SELENON: variants seen among roughly 807,000 people sequenced by gnomAD.
SELENON encodes the protein selenoprotein N, 1.
In SELENON, 44 loss-of-function variants were observed where a neutral mutation model predicts 59.5. The observed-to-expected ratio is 0.74, with a 90% confidence interval of 0.58 to 0.95. The LOEUF is 0.95. Ranked by LOEUF, SELENON falls within the 40% of genes least tolerant of loss-of-function variation. The probability of loss-of-function intolerance (pLI) is 0.00; values close to 1 mark genes in which losing one functional copy is unlikely to be tolerated. For synonymous variants in SELENON, 320 were observed against 305.6 expected, an observed-to-expected ratio of 1.05 and a Z score of -0.49; for missense variants, 674 against 721.4, an observed-to-expected ratio of 0.93 and a Z score of 0.75.
At position 25,808,573 on chromosome 1, in the gene SELENON, G is replaced by A. The variant is rs374669004; in HGVS notation, c.538-7G>A. 3.5e-5 allele frequency: 56 copies of A among 1,612,906 alleles called. No homozygotes were observed. In the African/African-American group the frequency reaches 4.4e-4, roughly 13 times the overall value. On this transcript the variant is annotated splice_region_variant and splice_polypyrimidine_tract_variant and intron_variant, in intron 4 of 12. Coordinates refer to ENST00000361547, the MANE Select transcript of SELENON (RefSeq NM_020451.3). ...GATTCCTGGAGCTTTGCTTTCCCCCGCCCCAGGTCTCCCGCCTCGCCCTGT... is the reference window on the plus strand; with the variant it reads ...GATTCCTGGAGCTTTGCTTTCCCCCACCCCAGGTCTCCCGCCTCGCCCTGT...
chr1:25,816,279 C>T lies in SELENON; in HGVS notation c.*561C>T, dbSNP rs1430050391. ...GTCAGTCTCAACAGGAGCCAGTCTT[C>T]TGGAGCCTCTGGGCAGAACCCTCCA... On this transcript the variant is annotated 3_prime_UTR_variant, in exon 13 of 13. Transcript: ENST00000361547. The T allele has an allele frequency of 6.5e-6, 1 of 153,880 alleles. No individual in the cohort carries two copies. The highest frequency in any genetic ancestry group is 2.4e-5 in the African/African-American group (1 of 41,474). 9.5% of individuals were successfully genotyped at this position (153,880 alleles called of 1,614,324 possible).
At chr1:25,812,315 C>G (rs2124451895) in intron 9 of SELENON, among the ~76,000 whole-genome samples, 1 of 151,898 alleles carries the variant, frequency 6.6e-6, no homozygotes, top group East Asian at 1.9e-4. Flanking sequence ...CCACTGCACT[C>G]CAGCCTGGGC....
rs1290988491 is a variant in SELENON at position 25,814,185 on chromosome 1, A to C, written c.1602+7A>C. On this transcript the variant is annotated splice_region_variant and intron_variant, in intron 12 of 12. Transcript: ENST00000361547. ...CCTGCCCAATGGCACCGTGGTAGGCACCCCCACTCAGACCCCACAGGGCCC... is the reference window on the plus strand; with the variant it reads ...CCTGCCCAATGGCACCGTGGTAGGCCCCCCCACTCAGACCCCACAGGGCCC... 1 of 1,611,968 alleles carries C rather than the reference A, an allele frequency of 6.2e-7. No individual in the cohort carries two copies. Among genetic ancestry groups the C allele is most frequent in the Non-Finnish European group, 8.5e-7 (1 of 1,178,922 alleles).
At position 25,816,138 on chromosome 1, in the gene SELENON, C is replaced by G. The variant is rs549631423; in HGVS notation, c.*420C>G. ...TTTCAGCCCTTCCCACAGGAAACAT[C>G]AAGAAGCCCCAGCCAGGAGGGGCCA... On this transcript the variant is annotated 3_prime_UTR_variant, in exon 13 of 13. Coordinates refer to ENST00000361547, the MANE Select transcript of SELENON (RefSeq NM_020451.3). 1.1e-4 allele frequency: 19 copies of G among 167,466 alleles called. No homozygotes were observed. The East Asian group carries it at 1.4e-3, about 12-fold the overall frequency. 10.4% of individuals were successfully genotyped at this position (167,466 alleles called of 1,614,324 possible). A position where few individuals can be genotyped will look rare whatever the true frequency, so the allele number is the denominator to read the frequency against.
In SELENON at chr1:25,815,921, G is replaced by T. The variant is rs1054173305; in HGVS notation, c.*203G>T. ...GGGATGCCTGGGCTGACTGGGCAGA[G>T]GAACCTCTAGCTCTGACTGTCACTC... is the stretch of plus-strand genomic sequence containing the variant. On this transcript the variant is annotated 3_prime_UTR_variant, in exon 13 of 13. Coordinates refer to ENST00000361547, the MANE Select transcript of SELENON (RefSeq NM_020451.3). 2.2e-5 allele frequency: 13 copies of T among 589,748 alleles called. No homozygotes were observed. Among genetic ancestry groups the T allele is most frequent in the African/African-American group, 1.7e-4 (9 of 53,626 alleles). 36.5% of individuals were successfully genotyped at this position (589,748 alleles called of 1,614,324 possible).
intron 2 of SELENON, among the ~76,000 whole-genome samples, chr1:25,801,797 G>A (rs867803856): frequency 9.2e-5 from 14 of 152,174 alleles, no homozygotes; most frequent in African/African-American, 2.9e-4. Context: ...ACACTGTCAT[G>A]ATCCCCATGT....
At position 25,813,915 on chromosome 1, in the gene SELENON, A is replaced by G. The variant is rs1355457091; in HGVS notation, c.1422A>G (p.Glu474=). The change falls in exon 11 of 13, where the codon GAA becomes GAG. Residue 474 remains glutamate (E), a synonymous_variant. Transcript: ENST00000361547. Reference sequence around the variant, plus strand: ...GGACTCTCCGGGAGACTGTCCTGGAAAGTTCGCCCATCCTCACCCTGCTCA... The same window carrying G: ...GGACTCTCCGGGAGACTGTCCTGGAGAGTTCGCCCATCCTCACCCTGCTCA... 2 of 1,614,068 alleles carry G rather than the reference A, an allele frequency of 1.2e-6. No homozygotes were observed. The highest frequency in any genetic ancestry group is 4.5e-5 in the East Asian group (2 of 44,868).
chr1:25,805,152 C>G lies in SELENON; in HGVS notation c.414C>G (p.Pro138=). The G allele has an allele frequency of 6.2e-7, 1 of 1,613,576 alleles. No homozygotes were observed. Residue 138 remains proline (P), a synonymous_variant, in exon 4 of 13, where the codon CCC becomes CCG. Coordinates refer to ENST00000361547, the MANE Select transcript of SELENON (RefSeq NM_020451.3). Reference sequence around the variant, plus strand: ...GTCTGTGTCTCATAGGGTCAACTCCCGCGGCCAGCTGCGAGGAGGAGGAGT... The same window carrying G: ...GTCTGTGTCTCATAGGGTCAACTCCGGCGGCCAGCTGCGAGGAGGAGGAGT...
In SELENON at chr1:25,800,303, C is replaced by A. The variant is rs1294269885; in HGVS notation, c.73C>A (p.Arg25Ser). 2 of 994,636 alleles carry A rather than the reference C, an allele frequency of 2.0e-6. No homozygotes were observed. Among genetic ancestry groups the A allele is most frequent in the East Asian group, 2.2e-4 (2 of 9,094 alleles). 61.6% of individuals were successfully genotyped at this position (994,636 alleles called of 1,614,324 possible). A position where few individuals can be genotyped will look rare whatever the true frequency, so the allele number is the denominator to read the frequency against. The stretch of plus-strand genomic sequence containing the variant: ...CGCCGCGCAGCCTCCCGCGCCACCG[C>A]GCCGCCGCGCCCGTTCCCTGGCGCT... Residue 25 changes from arginine (R) to serine (S), a missense_variant, in exon 1 of 13, where the codon CGC becomes AGC. By Grantham distance (110) the Arg-to-Ser change is moderately radical. Coordinates refer to ENST00000361547, the MANE Select transcript of SELENON (RefSeq NM_020451.3).
chr1:25,805,038 C>G, intron 3 of SELENON, 104 bp from the exon 3 acceptor site: 1 of 1,496,586 alleles, frequency 6.7e-7, no homozygotes, highest in South Asian at 1.1e-5. Flanking sequence ...CAGCTACCCC[C>G]ACCCCCTGCC....
rs1432868639 is a variant in SELENON, at chr1:25,812,556, TACACACAAACACACAC to T, written c.1282-123_1282-108del. ...AGACATACACACAAATATATATGCC[TACACACAAACACACAC>T]ACACACACACACACACACACACACA... On this transcript the variant is annotated intron_variant, in intron 9 of 12. Coordinates refer to ENST00000361547, the MANE Select transcript of SELENON (RefSeq NM_020451.3). 2,864 of 527,904 alleles carry T rather than the reference TACACACAAACACACAC, an allele frequency of 5.4e-3. 48 individuals are homozygous for T. In the African/African-American group the frequency reaches 0.059, roughly 11 times the overall value. The allele number at this position is 527,904 out of a possible 1,614,324, so 32.7% of individuals were successfully genotyped here.
chr1:25,814,123 T>C lies in SELENON; in HGVS notation c.1547T>C (p.Leu516Pro). The change falls in exon 12 of 13, where the codon CTG becomes CCG. Residue 516 changes from leucine (L) to proline (P), a missense_variant. Physicochemically the swap from Leu to Pro is moderately conservative, Grantham distance 98. Coordinates refer to ENST00000361547, the MANE Select transcript of SELENON (RefSeq NM_020451.3). ...CACCAGAAGCTGGCTGGCCTGCACCTGGAGAAGTACAGCTTCCCCGTGGAG... is the reference window on the plus strand; with the variant it reads ...CACCAGAAGCTGGCTGGCCTGCACCCGGAGAAGTACAGCTTCCCCGTGGAG... 1 of 1,614,178 alleles carries C rather than the reference T, an allele frequency of 6.2e-7. No individual in the cohort carries two copies. Among genetic ancestry groups the C allele is most frequent in the Non-Finnish European group, 8.5e-7 (1 of 1,180,002 alleles).
chr1:25,812,098 T>C (rs976446269), intron 9 of SELENON, among the ~76,000 whole-genome samples: 4 of 152,112 alleles, frequency 2.6e-5, no homozygotes, highest in African/African-American at 2.4e-5. Flanking sequence ...ATCCAAAACT[T>C]TGGGAGGCTG....
In SELENON at chr1:25,815,850, T is replaced by C. The variant is rs1480409941; in HGVS notation, c.*132T>C. On this transcript the variant is annotated 3_prime_UTR_variant, in exon 13 of 13. Transcript: ENST00000361547. The stretch of plus-strand genomic sequence containing the variant: ...CTGCCTTGGAGGGTACAAGATCCAC[T>C]GAGGGTGGCCACCACAGCCTTGGCT... 9 of 935,428 alleles carry C rather than the reference T, an allele frequency of 9.6e-6. No individual in the cohort carries two copies. Among genetic ancestry groups the C allele is most frequent in the African/African-American group, 1.6e-5 (1 of 61,428 alleles). 57.9% of individuals were successfully genotyped at this position (935,428 alleles called of 1,614,324 possible). A position where few individuals can be genotyped will look rare whatever the true frequency, so the allele number is the denominator to read the frequency against.
intron 3 of SELENON, among the ~76,000 whole-genome samples, chr1:25,803,685 T>C (rs2047878429): frequency 6.8e-6 from 1 of 147,604 alleles, no homozygotes; most frequent in South Asian, 2.2e-4. Flanking sequence ...GCATCATCAT[T>C]ATTATTGGTT....
chr1:25,804,906 T>C (rs1353409865), intron 3 of SELENON, among the ~76,000 whole-genome samples: 1 of 152,170 alleles, frequency 6.6e-6, no homozygotes, highest in African/African-American at 2.4e-5. Context: ...GAAGTGACTT[T>C]ACCTCTCTGA....
intron 1 of SELENON, 76 bp from the exon 2 acceptor site, chr1:25,800,967 C>A: frequency 8.7e-7 from 1 of 1,154,292 alleles, no homozygotes; most frequent in Non-Finnish European, 1.3e-6. Context: ...GGGCTCCATG[C>A]GGAAGCAACT....
rs1038715972 is a variant in SELENON, at chr1:25,813,814, C to G, written c.1388-67C>G. On this transcript the variant is annotated intron_variant, in intron 10 of 12. Transcript: ENST00000361547. ...GAGACTGTCCTGCAGCCCGTGAGGT[C>G]TCCCCAAAGCAAGATTGCACCCCAG... is the stretch of plus-strand genomic sequence containing the variant. The G allele has an allele frequency of 5.7e-6, 7 of 1,219,952 alleles. No individual in the cohort carries two copies. In the African/African-American group the frequency reaches 1.0e-4, roughly 18 times the overall value. 75.6% of individuals were successfully genotyped at this position (1,219,952 alleles called of 1,614,324 possible). A position where few individuals can be genotyped will look rare whatever the true frequency, so the allele number is the denominator to read the frequency against.
Position 25,802,826 on chromosome 1 carries a change from G to A in SELENON, c.403+709G>A, listed in dbSNP as rs114666200. On this transcript the variant is annotated intron_variant, in intron 3 of 12. Transcript: ENST00000361547. The stretch of plus-strand genomic sequence containing the variant: ...CCATTTTCTTCCAACTTCTTGTGAC[G>A]TTTCTTGAACTTAGGATCTTGGACA... Among the ~76,000 whole-genome samples the A allele has an allele frequency of 5.5e-3, 835 of 152,292 alleles. 4 individuals carry two copies. Among genetic ancestry groups the A allele is most frequent in the African/African-American group, 0.02 (817 of 41,544 alleles).
Sources: allele counts gnomAD v4.1 joint callset (sites outside exome capture counted in the v4.1 genomes callset), GRCh38; gene constraint gnomAD v4.1.1; transcripts MANE v1.5; gene names NCBI Gene and HGNC (gene_info 2026-07-23, HGNC 2026-07-21).